The following DEPDC1B variants were observed in gnomAD, a reference collection of about 807,000 sequenced individuals.
The protein encoded by DEPDC1B is DEP domain containing 1B, also known as DEP domain-containing protein 1B.
A neutral mutation model predicts 66.5 loss-of-function variants in DEPDC1B; 51 were observed. That is an observed-to-expected ratio of 0.77 (90% CI 0.61 to 0.97). DEPDC1B has a LOEUF of 0.97. Among genes scored for constraint, DEPDC1B ranks in the 50% least tolerant of loss-of-function variants. The pLI is 0.00. For synonymous variants in DEPDC1B, 226 were observed against 223.6 expected, an observed-to-expected ratio of 1.01 and a Z score of -0.10; for missense variants, 552 against 637.1, an observed-to-expected ratio of 0.87 and a Z score of 1.44.
chr5:60,646,452 G>C (rs1054398123), intron 3 of DEPDC1B, among the ~76,000 whole-genome samples: 14 of 152,176 alleles, frequency 9.2e-5, no homozygotes, highest in African/African-American at 3.1e-4. Context: ...TTACAAGAGA[G>C]TTTTAACAGA....
chr5:60,658,592 C>A (rs530154926), intron 2 of DEPDC1B, among the ~76,000 whole-genome samples: 1 of 152,158 alleles, frequency 6.6e-6, no homozygotes, highest in South Asian at 2.1e-4. Context: ...GGGCTTGTAA[C>A]TCAGCTCACA....
intron 7 of DEPDC1B, among the ~76,000 whole-genome samples, chr5:60,616,037 G>C (rs964366736): frequency 1.3e-5 from 2 of 152,210 alleles, no homozygotes; most frequent in Non-Finnish European, 2.9e-5. Flanking sequence ...AACAGGGTCT[G>C]GAGTGGACCT....
chr5:60,661,900 T>C (rs1753724182), intron 2 of DEPDC1B, among the ~76,000 whole-genome samples: 1 of 152,096 alleles, frequency 6.6e-6, no homozygotes, highest in Non-Finnish European at 1.5e-5. Flanking sequence ...AGAAGGACTT[T>C]AAAAAACTAG....
intron 8 of DEPDC1B, 125 bp from the exon 9 acceptor site, chr5:60,603,692 T>C: frequency 1.1e-6 from 1 of 938,302 alleles, no homozygotes; most frequent in Non-Finnish European, 1.5e-6. Flanking sequence ...CTACCAAGAG[T>C]ACCCAGCCAT....
chr5:60,621,660 GTACCCTAGAACTTAAAGTA>G (rs1199496332), intron 7 of DEPDC1B, among the ~76,000 whole-genome samples: 18 of 152,156 alleles, frequency 1.2e-4, no homozygotes, highest in Middle Eastern at 3.4e-3. Context: ...TTGTGCACAT[GTACCCTAGAACTTAAAGTA>G]TACCCTAGAA....
chr5:60,661,210 T>C (rs968931088), intron 2 of DEPDC1B, among the ~76,000 whole-genome samples: 1 of 152,112 alleles, frequency 6.6e-6, no homozygotes, highest in African/African-American at 2.4e-5. Flanking sequence ...ACAAAGGCAA[T>C]GTTGGGCACG....
rs146623446 is a variant in DEPDC1B, at chr5:60,671,853, C to T, written c.314+15109G>A. Among the ~76,000 whole-genome samples the T allele has an allele frequency of 1.1e-4, 16 of 152,346 alleles. No homozygotes were observed. The East Asian group carries it at 3.1e-3, about 29-fold the overall frequency. ...AACAATGTAAGTACCTGCCACATAT[C>T]AGACACCAATAGGTAACAAAGATAC... On this transcript the variant is annotated intron_variant, in intron 2 of 10. Transcript: ENST00000265036.
intron 2 of DEPDC1B, among the ~76,000 whole-genome samples, chr5:60,655,623 T>C (rs1384105599): frequency 1.3e-5 from 2 of 149,400 alleles, no homozygotes; most frequent in Non-Finnish European, 2.9e-5. Flanking sequence ...CAATTTCATT[T>C]AGCTCTGCTC....
At chr5:60,604,246 A>T (rs1752267235) in intron 8 of DEPDC1B, among the ~76,000 whole-genome samples, 1 of 30,272 alleles carries the variant, frequency 3.3e-5, no homozygotes, top group Non-Finnish European at 9.2e-5. Flanking sequence ...TTTTTTACGG[A>T]GTCTCGCTCT....
intron 1 of DEPDC1B, among the ~76,000 whole-genome samples, chr5:60,691,671 A>G (rs2112043746): frequency 6.6e-6 from 1 of 152,308 alleles, no homozygotes; most frequent in South Asian, 2.1e-4. Context: ...TTAAACAGGT[A>G]TATCATAAAA....
intron 2 of DEPDC1B, among the ~76,000 whole-genome samples, chr5:60,675,872 T>G (rs1016980552): frequency 1.3e-5 from 2 of 151,956 alleles, no homozygotes; most frequent in Non-Finnish European, 2.9e-5. Context: ...CTCAAAACAC[T>G]AACAGTAGCT....
chr5:60,641,964 A>G (rs992964514), intron 6 of DEPDC1B, among the ~76,000 whole-genome samples: 1 of 152,198 alleles, frequency 6.6e-6, no homozygotes, highest in East Asian at 1.9e-4. Flanking sequence ...GCTATTCAAA[A>G]TCATAGGATC....
intron 2 of DEPDC1B, among the ~76,000 whole-genome samples, chr5:60,668,306 G>T (rs1296027078): frequency 7.7e-6 from 1 of 130,042 alleles, no homozygotes; most frequent in Non-Finnish European, 1.6e-5. Context: ...ATGGAGTCTC[G>T]CTCTGTCACC....
intron 10 of DEPDC1B, among the ~76,000 whole-genome samples, chr5:60,598,125 T>C (rs1196876887): frequency 2.0e-5 from 3 of 152,102 alleles, no homozygotes; most frequent in Non-Finnish European, 4.4e-5. Context: ...TTTCTGAAAA[T>C]TCCCCCCACT....
chr5:60,612,572 T>G lies in DEPDC1B; in HGVS notation c.899-6716A>C, dbSNP rs113029011. ...AAGAATAGTAAGTAATAGTAAGTAA[T>G]CAGTGTTACTTTCCTGATTTTTATG... On this transcript the variant is annotated intron_variant, in intron 7 of 10. Transcript: ENST00000265036. 3.3e-3 allele frequency among the ~76,000 whole-genome samples: 481 copies of G among 144,602 alleles called. 8 individuals are homozygous for G. The highest frequency in any genetic ancestry group is 0.012 in the African/African-American group (463 of 39,652). The allele number at this position is 144,602 out of a possible 152,430, so 94.9% of individuals were successfully genotyped here. A position where few individuals can be genotyped will look rare whatever the true frequency, so the allele number is the denominator to read the frequency against.
chr5:60,699,934 A>T (rs1257367205), intron 1 of DEPDC1B, 112 bp downstream of exon 1: 1 of 1,323,786 alleles, frequency 7.6e-7, no homozygotes, highest in Non-Finnish European at 1.0e-6. Flanking sequence ...AATGCTCCAC[A>T]CCCGAGCCCC....
intron 6 of DEPDC1B, 27 bp downstream of exon 6, chr5:60,642,785 C>A (rs780545927): frequency 1.4e-5 from 23 of 1,595,610 alleles, no homozygotes; most frequent in Non-Finnish European, 1.9e-5. Flanking sequence ...GTTAATTTCA[C>A]AAAACTGGCA....
At chr5:60,654,258 T>G (rs1301942280) in intron 2 of DEPDC1B, among the ~76,000 whole-genome samples, 1 of 149,252 alleles carries the variant, frequency 6.7e-6, no homozygotes, top group Non-Finnish European at 1.5e-5. Context: ...GTTCCATTTG[T>G]TTGTGTCATC....
chr5:60,633,985 AGCT>A (rs142618874), intron 7 of DEPDC1B, among the ~76,000 whole-genome samples: 335 of 152,348 alleles, frequency 2.2e-3, no homozygotes, highest in African/African-American at 7.6e-3. Flanking sequence ...AGAGACTTAA[AGCT>A]ACTACCAAGG....
Sources: allele counts gnomAD v4.1 joint callset (sites outside exome capture counted in the v4.1 genomes callset), GRCh38; gene constraint gnomAD v4.1.1; transcripts MANE v1.5; gene names NCBI Gene and HGNC (gene_info 2026-07-23, HGNC 2026-07-21).